Variants in PUM1 observed in about 807,000 individuals in gnomAD.
PUM1 encodes the protein pumilio homolog 1.
A neutral mutation model predicts 131.8 loss-of-function variants in PUM1; 13 were observed. The observed-to-expected ratio is 0.10, with a 90% CI of 0.06 to 0.16. The LOEUF is 0.16. PUM1 is among the 10% of genes least tolerant of loss of function. The pLI is 1.00. For missense variants in PUM1, 961 were observed against 1,512.4 expected (o/e 0.64, Z 6.05); for synonymous variants, 509 against 556.5 (o/e 0.91, Z 1.20).
At chr1:30,933,627 A>G (rs1639072526) in intron 21 of PUM1, among the ~76,000 whole-genome samples, 1 of 152,012 alleles carries the variant, frequency 6.6e-6, no homozygotes, top group Non-Finnish European at 1.5e-5. Flanking sequence ...GCCATGGGCC[A>G]CTCCCAGGAC....
chr1:31,003,713 T>C (rs1444283560), intron 5 of PUM1, among the ~76,000 whole-genome samples: 1 of 152,124 alleles, frequency 6.6e-6, no homozygotes, highest in Non-Finnish European at 1.5e-5. Context: ...GCCAAGATCA[T>C]GCCATTGCAC....
At chr1:30,999,606 C>CAAAAAAAAAAAAAAA (rs56936440) in intron 5 of PUM1, among the ~76,000 whole-genome samples, 1 of 53,980 alleles carries the variant, frequency 1.9e-5, no homozygotes, top group African/African-American at 6.9e-5. Flanking sequence ...GACTCTGTCT[C>CAAAAAAAAAAAAAAA]AAAAAAAAAA....
At chr1:31,043,870 C>A (rs1033254658) in intron 2 of PUM1, among the ~76,000 whole-genome samples, 4 of 152,108 alleles carry the variant, frequency 2.6e-5, no homozygotes, top group African/African-American at 9.7e-5. Flanking sequence ...TCCTCCCATC[C>A]CCCATTTCTA....
chr1:30,978,418 A>C (rs868655713), intron 9 of PUM1, among the ~76,000 whole-genome samples: 1 of 152,264 alleles, frequency 6.6e-6, no homozygotes, highest in Non-Finnish European at 1.5e-5. Flanking sequence ...TCTCCTACGA[A>C]GAGCTTTCTG....
At chr1:30,967,383 C>A in intron 11 of PUM1, 73 bp from the exon 12 acceptor site, 1 of 1,463,682 alleles carries the variant, frequency 6.8e-7, no homozygotes. Flanking sequence ...AACATATTGT[C>A]AATAATCACA....
chr1:30,972,258 GAAAAGAA>G (rs1557562494), intron 10 of PUM1, among the ~76,000 whole-genome samples: 1 of 34,078 alleles, frequency 2.9e-5, no homozygotes, highest in Non-Finnish European at 5.7e-5. Context: ...ATGTCAGAAA[GAAAAGAA>G]AAGAAGGGAA....
intron 2 of PUM1, among the ~76,000 whole-genome samples, chr1:31,038,231 G>A (rs1643681971): frequency 6.6e-6 from 1 of 151,726 alleles, no homozygotes; most frequent in Non-Finnish European, 1.5e-5. Context: ...AGAGAAATAT[G>A]TTCAGAGGAG....
intron 14 of PUM1, among the ~76,000 whole-genome samples, chr1:30,963,165 C>T (rs1640486867): frequency 6.6e-6 from 1 of 152,150 alleles, no homozygotes; most frequent in South Asian, 2.1e-4. Context: ...ATGTACAGGA[C>T]CCAAAACCAT....
At chr1:30,972,074 G>A (rs900227162) in intron 10 of PUM1, among the ~76,000 whole-genome samples, 5 of 151,126 alleles carry the variant, frequency 3.3e-5, no homozygotes, top group East Asian at 3.9e-4. Flanking sequence ...GGACAACATG[G>A]TAAAACCCTG....
chr1:30,954,096 T>C, intron 14 of PUM1, 115 bp from the exon 15 acceptor site: 2 of 1,143,516 alleles, frequency 1.7e-6, no homozygotes, highest in South Asian at 1.5e-5. Flanking sequence ...TTCAATGCTG[T>C]TGTTTTTGTG....
rs1205149574 is a variant in PUM1, at chr1:30,980,071, C to T, written c.1345G>A (p.Ala449Thr). Residue 449 changes from alanine (A) to threonine (T), a missense_variant, in exon 9 of 22, where the codon GCG becomes ACG. Physicochemically the swap from Ala to Thr is moderately conservative, Grantham distance 58 (BLOSUM62 0). Transcript: ENST00000426105. The stretch of plus-strand genomic sequence containing the variant: ...CAGCAGAATGTCTCACCTAGTGTCG[C>T]TGCTGCAGCCAATCCAGCTGTGTAG... ...DPYTAGLAAA[A>T]TLGPAVVPHQ... is the part of the protein sequence containing the mutation. 1.9e-6 allele frequency: 3 copies of T among 1,604,264 alleles called. No homozygotes were observed. The highest frequency in any genetic ancestry group is 2.6e-6 in the Non-Finnish European group (3 of 1,175,002).
intron 19 of PUM1, 136 bp from the exon 20 acceptor site, chr1:30,941,408 AT>A: frequency 2.4e-6 from 2 of 843,568 alleles, no homozygotes; most frequent in Non-Finnish European, 3.5e-6. Context: ...TGAACACACA[AT>A]TTTTAAGACA....
intron 5 of PUM1, among the ~76,000 whole-genome samples, chr1:31,000,917 T>C (rs1274589197): frequency 1.4e-4 from 22 of 152,008 alleles, no homozygotes; most frequent in Non-Finnish European, 4.4e-5. Flanking sequence ...CCGGGCACAG[T>C]GGCTCACGCC....
At chr1:31,046,489 G>GT (rs60794285) in intron 2 of PUM1, among the ~76,000 whole-genome samples, 93 of 136,606 alleles carry the variant, frequency 6.8e-4, no homozygotes, top group Admixed American at 1.2e-3. Context: ...GGGTTTTTGG[G>GT]TTTTTTTTTT....
At chr1:30,950,845 A>G (rs1639904378) in intron 16 of PUM1, among the ~76,000 whole-genome samples, 1 of 152,208 alleles carries the variant, frequency 6.6e-6, no homozygotes, top group South Asian at 2.1e-4. Context: ...TGCCCAATGG[A>G]GCAAGACTGT....
Position 30,933,563 on chromosome 1 carries a change from G to C in PUM1, c.3436-221C>G, listed in dbSNP as rs77833650. Among the ~76,000 whole-genome samples the C allele has an allele frequency of 1.1e-4, 17 of 152,130 alleles. No individual in the cohort carries two copies. The East Asian group carries it at 3.3e-3, about 29-fold the overall frequency. On this transcript the variant is annotated intron_variant, in intron 21 of 21. Coordinates refer to ENST00000426105, the MANE Select transcript of PUM1 (RefSeq NM_001020658.2). ...TTTGGCAACCCATCAGATGAGGAGA[G>C]GAGCTCCTACCCTGAGTGGTGCCAC...
At chr1:30,945,122 T>C (rs1163962320) in intron 18 of PUM1, among the ~76,000 whole-genome samples, 3 of 152,036 alleles carry the variant, frequency 2.0e-5, no homozygotes, top group Admixed American at 2.0e-4. Context: ...TAATTCCAGC[T>C]ACTTGGGAGG....
At chr1:31,043,837 AGT>A (rs1358239109) in intron 2 of PUM1, among the ~76,000 whole-genome samples, 2 of 152,186 alleles carry the variant, frequency 1.3e-5, no homozygotes, top group Non-Finnish European at 2.9e-5. Flanking sequence ...CCAAATCCAT[AGT>A]GTAAGTTGTA....
intron 20 of PUM1, among the ~76,000 whole-genome samples, chr1:30,938,450 C>T (rs182344412): frequency 6.4e-4 from 98 of 152,210 alleles, no homozygotes; most frequent in African/African-American, 2.1e-3. Flanking sequence ...GATGGGTTTC[C>T]GCATGTTGAC....
Sources: gnomAD v4.1 joint callset for allele counts (sites outside exome capture counted in the v4.1 genomes callset) on GRCh38, gnomAD v4.1.1 for gene constraint, MANE v1.5 for transcripts, NCBI Gene and HGNC (gene_info 2026-07-23, HGNC 2026-07-21) for gene names.